Variants in POM121C observed in about 807,000 individuals in gnomAD.
POM121C encodes nuclear envelope pore membrane protein POM 121C.
Under a neutral mutation model 66.4 loss-of-function variants are expected in POM121C, and 20 were observed. That is an observed-to-expected ratio of 0.30 (90% CI 0.21 to 0.44). POM121C has a LOEUF of 0.44. POM121C is among the 20% of genes least tolerant of loss of function. POM121C has a pLI of 1.00. For missense variants in POM121C, 580 were observed against 1,225.7 expected (o/e 0.47, Z 7.87); for synonymous variants, 286 against 528.0 (o/e 0.54, Z 6.28).
intron 3 of POM121C, among the ~76,000 whole-genome samples, chr7:75,455,930 T>C (rs1252008539): frequency 1.3e-5 from 2 of 152,182 alleles, no homozygotes; most frequent in African/African-American, 2.4e-5. Context: ...TGCAGAGTAC[T>C]GCATGAGGAA....
intron 1 of POM121C, among the ~76,000 whole-genome samples, chr7:75,478,117 C>T (rs1792160949): frequency 1.3e-5 from 2 of 152,064 alleles, no homozygotes; most frequent in African/African-American, 4.8e-5. Context: ...CAGGCGTGCA[C>T]CAGCATGCCC....
intron 3 of POM121C, among the ~76,000 whole-genome samples, chr7:75,468,937 G>A (rs1477603481): frequency 2.0e-5 from 3 of 151,984 alleles, no homozygotes; most frequent in Non-Finnish European, 2.9e-5. Flanking sequence ...TCCCAATTTC[G>A]CACTCTCCCA....
intron 3 of POM121C, among the ~76,000 whole-genome samples, chr7:75,444,505 T>C (rs1467276494): frequency 4.9e-5 from 6 of 123,710 alleles, no homozygotes; most frequent in African/African-American, 1.5e-4. Context: ...GAGCTACACA[T>C]AAAAGCCGTC....
chr7:75,466,125 TA>T (rs1198454553), intron 3 of POM121C, among the ~76,000 whole-genome samples: 4 of 139,486 alleles, frequency 2.9e-5, no homozygotes, highest in East Asian at 2.1e-4. Flanking sequence ...TGCCATCTCT[TA>T]AAAAAAAAAC....
chr7:75,456,678 T>C (rs1312086435), intron 3 of POM121C, among the ~76,000 whole-genome samples: 3 of 152,280 alleles, frequency 2.0e-5, no homozygotes, highest in African/African-American at 7.2e-5. Flanking sequence ...TGCAAATGGG[T>C]AGGATGTTTC....
intron 14 of POM121C, 48 bp downstream of exon 14, chr7:75,419,272 C>A (rs1554470242): frequency 1.3e-6 from 2 of 1,567,952 alleles, no homozygotes; most frequent in South Asian, 1.2e-5. Flanking sequence ...CCCCACCCAA[C>A]CTCTCCTCAG....
intron 7 of POM121C, among the ~76,000 whole-genome samples, chr7:75,428,842 T>C (rs370677439): frequency 2.0e-5 from 3 of 150,816 alleles, no homozygotes; most frequent in African/African-American, 4.9e-5. Flanking sequence ...TAGCCAGGTG[T>C]GGTGGTGCAT....
chr7:75,484,534 A>T (rs2528214), intron 1 of POM121C, among the ~76,000 whole-genome samples: 3 of 151,982 alleles, frequency 2.0e-5, no homozygotes, highest in South Asian at 2.1e-4. Flanking sequence ...CCAGGCATAG[A>T]GTCACATGCC....
chr7:75,449,551 A>C (rs1434932465), intron 3 of POM121C, among the ~76,000 whole-genome samples: 5 of 152,030 alleles, frequency 3.3e-5, no homozygotes, highest in Non-Finnish European at 5.9e-5. Flanking sequence ...ATTTTTTAAT[A>C]GAGACAGGGT....
intron 3 of POM121C, among the ~76,000 whole-genome samples, chr7:75,449,995 A>G (rs1254656020): frequency 2.0e-5 from 3 of 152,096 alleles, no homozygotes; most frequent in Non-Finnish European, 4.4e-5. Flanking sequence ...GCCTGGAGAC[A>G]GAGCATGACT....
At chr7:75,484,492 C>T (rs1280162366) in intron 1 of POM121C, among the ~76,000 whole-genome samples, 19 of 151,906 alleles carry the variant, frequency 1.3e-4, no homozygotes, top group Non-Finnish European at 2.5e-4. Flanking sequence ...GGCAAAACCC[C>T]GTCTCTACTT....
intron 1 of POM121C, among the ~76,000 whole-genome samples, chr7:75,479,615 C>CTAAA (rs58439125): frequency 0.055 from 7,407 of 134,532 alleles, 301 homozygotes; most frequent in African/African-American, 0.063. Flanking sequence ...GACTCTGTCT[C>CTAAA]TAAATAAATA....
intron 3 of POM121C, among the ~76,000 whole-genome samples, chr7:75,467,253 C>T (rs1242284170): frequency 2.6e-5 from 4 of 152,114 alleles, no homozygotes; most frequent in African/African-American, 4.8e-5. Flanking sequence ...TGTAAAGCAC[C>T]GGGCGTGGTG....
At chr7:75,440,863 C>T (rs587665468) in intron 5 of POM121C, 91 bp downstream of exon 5, 15 of 1,577,058 alleles carry the variant, frequency 9.5e-6, no homozygotes, top group East Asian at 2.2e-5. Flanking sequence ...ACAAACTGGA[C>T]GTGGCCTCTG....
chr7:75,482,697 G>C (rs587765762), intron 1 of POM121C, among the ~76,000 whole-genome samples: 1 of 151,396 alleles, frequency 6.6e-6, no homozygotes, highest in African/African-American at 2.4e-5. Flanking sequence ...CTCAAAAAAA[G>C]AAAAAAAGAA....
chr7:75,438,481 C>T (rs1316715251), intron 6 of POM121C, among the ~76,000 whole-genome samples: 1 of 152,214 alleles, frequency 6.6e-6, no homozygotes, highest in Non-Finnish European at 1.5e-5. Context: ...CCATCATCCA[C>T]CACCACCCCT....
At chr7:75,451,306 T>G (rs1554475534) in intron 3 of POM121C, among the ~76,000 whole-genome samples, 1 of 147,442 alleles carries the variant, frequency 6.8e-6, no homozygotes, top group South Asian at 2.2e-4. Context: ...CAAAACAGCA[T>G]GGTACTGGTA....
chr7:75,457,150 AAAATAAAT>A (rs71305122), intron 3 of POM121C, among the ~76,000 whole-genome samples: 61,472 of 123,634 alleles, frequency 0.5, 16,422 homozygotes, highest in East Asian at 0.56. Flanking sequence ...ATTTCAATTA[AAAATAAAT>A]AAATAAATAA....
chr7:75,472,432 G>C (rs1554478790), intron 3 of POM121C, among the ~76,000 whole-genome samples: 2 of 151,990 alleles, frequency 1.3e-5, no homozygotes, highest in African/African-American at 4.8e-5. Context: ...AGAATCACTT[G>C]AATCTGGGAG....
Sources: allele counts gnomAD v4.1 joint callset (sites outside exome capture counted in the v4.1 genomes callset), GRCh38; gene constraint gnomAD v4.1.1; transcripts MANE v1.5; gene names NCBI Gene and HGNC (gene_info 2026-07-23, HGNC 2026-07-21).